Variants in PTPRR observed in about 807,000 individuals in gnomAD.
PTPRR encodes protein tyrosine phosphatase receptor type R.
PTPRR carries 38 observed loss-of-function variants against 77.2 expected under a neutral mutation model. That is an observed-to-expected ratio of 0.49 (90% confidence interval 0.38 to 0.65). The LOEUF is 0.65. Among genes scored for constraint, PTPRR ranks in the 30% least tolerant of loss-of-function variants. PTPRR has a pLI of 0.00. For missense variants in PTPRR, 744 were observed against 799.2 expected (o/e 0.93, Z 0.83); for synonymous variants, 299 against 283.1 (o/e 1.06, Z -0.57).
intron 5 of PTPRR, among the ~76,000 whole-genome samples, chr12:70,749,903 T>G (rs1890335110): frequency 6.6e-6 from 1 of 152,234 alleles, no homozygotes; most frequent in Non-Finnish European, 1.5e-5. Context: ...TAAGGACATT[T>G]GGATGTCTAA....
intron 10 of PTPRR, 45 bp from the exon 11 acceptor site, chr12:70,662,650 T>A: frequency 4.3e-6 from 5 of 1,152,080 alleles, no homozygotes; most frequent in African/African-American, 1.5e-5. Flanking sequence ...ATGGCTTTTA[T>A]TAGCCATGGA....
chr12:70,837,355 A>G (rs1892322102), intron 2 of PTPRR, among the ~76,000 whole-genome samples: 1 of 152,142 alleles, frequency 6.6e-6, no homozygotes, highest in African/African-American at 2.4e-5. Flanking sequence ...TGCCTTGATA[A>G]GCACTAATCA....
At chr12:70,674,168 C>CA (rs1225087359) in intron 10 of PTPRR, among the ~76,000 whole-genome samples, 2 of 152,166 alleles carry the variant, frequency 1.3e-5, no homozygotes, top group African/African-American at 4.8e-5. Flanking sequence ...CTCCTGGCCT[C>CA]AAGCAATCTT....
chr12:70,696,619 T>A (rs1489681560), intron 8 of PTPRR, among the ~76,000 whole-genome samples: 1 of 152,158 alleles, frequency 6.6e-6, no homozygotes, highest in African/African-American at 2.4e-5. Flanking sequence ...TATTGAGAAA[T>A]AATTCACATT....
chr12:70,649,046 T>C (rs1229121504), intron 13 of PTPRR, among the ~76,000 whole-genome samples: 2 of 152,154 alleles, frequency 1.3e-5, no homozygotes, highest in Non-Finnish European at 2.9e-5. Flanking sequence ...ACCAAATGGT[T>C]TTGTCATTGT....
At chr12:70,831,173 A>G (rs886512193) in intron 2 of PTPRR, among the ~76,000 whole-genome samples, 1 of 152,170 alleles carries the variant, frequency 6.6e-6, no homozygotes, top group Non-Finnish European at 1.5e-5. Context: ...TTACACTTTT[A>G]CCCCTATTAT....
At chr12:70,675,288 T>C (rs979827205) in intron 10 of PTPRR, among the ~76,000 whole-genome samples, 1 of 152,074 alleles carries the variant, frequency 6.6e-6, no homozygotes, top group Admixed American at 6.5e-5. Context: ...TATTTGTTTA[T>C]ATTTAGTATG....
At chr12:70,859,402 T>C (rs1256804894) in intron 2 of PTPRR, among the ~76,000 whole-genome samples, 2 of 152,052 alleles carry the variant, frequency 1.3e-5, no homozygotes, top group African/African-American at 2.4e-5. Flanking sequence ...ACTACTGACA[T>C]AGAGTCCAAA....
At position 70,684,210 on chromosome 12, in the gene PTPRR, T is replaced by C. The variant is rs1887775766; in HGVS notation, c.1414A>G (p.Thr472Ala). The change falls in exon 10 of 14, where the codon ACC (threonine) becomes GCC (alanine). Residue 472 changes from threonine to alanine, a missense_variant. By Grantham distance (58) the Thr-to-Ala change is moderately conservative. Around this residue, in one of 3 missense-constraint regions of PTPRR, gnomAD observed 4 missense variants for 16.2 expected, o/e 0.25. Coordinates refer to ENST00000283228, the MANE Select transcript of PTPRR (RefSeq NM_002849.4). ...FIATQGPMIN[T>A]VDDFWQMVWQ... ...ACCATCTGCCAGAAATCATCCACGG[T>C]GTTGATCATGGGGCCCTGCGTGGCA... is the stretch of plus-strand genomic sequence containing the variant. 6.2e-7 allele frequency: 1 copy of C among 1,614,008 alleles called. No homozygotes were observed. Among genetic ancestry groups the C allele is most frequent in the South Asian group, 1.1e-5 (1 of 91,080 alleles).
chr12:70,860,465 C>T (rs1892732676), intron 2 of PTPRR, among the ~76,000 whole-genome samples: 1 of 152,106 alleles, frequency 6.6e-6, no homozygotes, highest in South Asian at 2.1e-4. Flanking sequence ...AGAAAGTTCA[C>T]TTTAATGTAT....
At chr12:70,726,297 C>G (rs932177900) in intron 6 of PTPRR, among the ~76,000 whole-genome samples, 16 of 151,990 alleles carry the variant, frequency 1.1e-4, no homozygotes, top group Middle Eastern at 3.2e-3. Context: ...ATTTAAGGCC[C>G]TAGAAATGTA....
chr12:70,674,384 T>C (rs1197007382), intron 10 of PTPRR, among the ~76,000 whole-genome samples: 2 of 152,234 alleles, frequency 1.3e-5, no homozygotes, highest in African/African-American at 4.8e-5. Flanking sequence ...TTCATGCCTA[T>C]AAACTTCCTT....
chr12:70,808,600 G>A (rs543480227), intron 2 of PTPRR, among the ~76,000 whole-genome samples: 32 of 152,126 alleles, frequency 2.1e-4, no homozygotes, highest in African/African-American at 6.3e-4. Context: ...TTGAATTATC[G>A]GAGGCAGTTT....
chr12:70,914,093 T>G (rs1893739963), intron 1 of PTPRR, among the ~76,000 whole-genome samples: 2 of 152,118 alleles, frequency 1.3e-5, no homozygotes, highest in African/African-American at 4.8e-5. Context: ...GGGCTATGCC[T>G]GATCAACATT....
chr12:70,641,203 G>A (rs1455489709), intron 13 of PTPRR, among the ~76,000 whole-genome samples: 1 of 152,208 alleles, frequency 6.6e-6, no homozygotes, highest in Non-Finnish European at 1.5e-5. Flanking sequence ...GCTGAGAGGT[G>A]CCTCCCTTCC....
chr12:70,651,923 A>C (rs117207784), intron 13 of PTPRR, among the ~76,000 whole-genome samples: 4,693 of 152,186 alleles, frequency 0.031, 95 homozygotes, highest in Non-Finnish European at 0.046. Context: ...AATTAGGCCA[A>C]GATGCTTCTT....
chr12:70,672,442 A>G, intron 10 of PTPRR: 4 of 1,093,478 alleles, frequency 3.7e-6, no homozygotes, highest in Non-Finnish European at 5.6e-6. Context: ...CATCAAGGCC[A>G]CAGATGCCAT....
intron 2 of PTPRR, among the ~76,000 whole-genome samples, chr12:70,807,229 A>G (rs1891726246): frequency 6.6e-6 from 1 of 152,212 alleles, no homozygotes; most frequent in Admixed American, 6.5e-5. Flanking sequence ...ACATTGTTGA[A>G]CTACTGCATC....
chr12:70,751,971 C>T (rs181273303), intron 5 of PTPRR, among the ~76,000 whole-genome samples: 1 of 152,260 alleles, frequency 6.6e-6, no homozygotes, highest in Admixed American at 6.5e-5. Context: ...TTTCACTGCC[C>T]TAAAATCTGC....
Sources: gnomAD v4.1 joint callset for allele counts (sites outside exome capture counted in the v4.1 genomes callset) on GRCh38, gnomAD v4.1.1 for gene constraint, gnomAD v4.1.1 regional missense constraint, MANE v1.5 for transcripts, NCBI Gene and HGNC (gene_info 2026-07-23, HGNC 2026-07-21) for gene names.